Variants in USP40 observed in about 807,000 individuals in gnomAD.
USP40 encodes ubiquitin carboxyl-terminal hydrolase 40.
In USP40, 143 loss-of-function variants were observed where a neutral mutation model predicts 166.2. That is an observed-to-expected ratio of 0.86 (90% CI 0.75 to 0.99). The LOEUF (loss-of-function observed/expected upper bound fraction) is 0.99, where lower values mean the gene tolerates loss of function less well. Among genes scored for constraint, USP40 ranks in the 50% least tolerant of loss-of-function variants. USP40 has a pLI of 0.00. For missense variants in USP40, 1,444 were observed against 1,479.7 expected (o/e 0.98, Z 0.40); for synonymous variants, 498 against 524.0 (o/e 0.95, Z 0.68).
At chr2:233,490,127 A>T (rs551563711) in intron 26 of USP40, among the ~76,000 whole-genome samples, 29 of 151,252 alleles carry the variant, frequency 1.9e-4, no homozygotes, top group African/African-American at 6.6e-4. Context: ...ATTTGTTCTC[A>T]TGAGAATAAG....
At position 233,477,080 on chromosome 2, in the gene USP40, A is replaced by G. The variant is rs1301562778; in HGVS notation, c.*312T>C. On this transcript the variant is annotated 3_prime_UTR_variant, in exon 32 of 32. Transcript: ENST00000678225. ...CTGCCTCCATACCTGCGGTTCACGC[A>G]CACGTTGTGCATTTTCTGGTTAAAA... 5.2e-6 allele frequency: 2 copies of G among 384,016 alleles called. No individual in the cohort carries two copies. The highest frequency in any genetic ancestry group is 1.0e-5 in the Non-Finnish European group (2 of 199,610). 23.8% of individuals were successfully genotyped at this position (384,016 alleles called of 1,614,324 possible).
intron 27 of USP40, among the ~76,000 whole-genome samples, chr2:233,488,944 A>AAAAGAAAGAAACGAG (rs757182833): frequency 7.2e-5 from 11 of 152,086 alleles, no homozygotes; most frequent in Non-Finnish European, 1.6e-4. Flanking sequence ...GGAAAGAAAG[A>AAAAGAAAGAAACGAG]AAAGAAAGAA....
At position 233,549,086 on chromosome 2, in the gene USP40, A is replaced by G; in HGVS notation, c.966+15T>C. On this transcript the variant is annotated intron_variant, in intron 8 of 31. Transcript: ENST00000678225. ...GAAATTGCAAAGATATTTCTAAACGAATTTCTATACGTACTTGAAACTGCC... is the reference window on the plus strand; with the variant it reads ...GAAATTGCAAAGATATTTCTAAACGGATTTCTATACGTACTTGAAACTGCC... 6.3e-7 allele frequency: 1 copy of G among 1,580,650 alleles called. No homozygotes were observed. Among genetic ancestry groups the G allele is most frequent in the Non-Finnish European group, 8.6e-7 (1 of 1,166,812 alleles).
chr2:233,527,291 C>T, intron 13 of USP40, 116 bp downstream of exon 13: 1 of 1,201,658 alleles, frequency 8.3e-7, no homozygotes, highest in Non-Finnish European at 1.1e-6. Context: ...TGGCAGATGT[C>T]AGATCTTCCT....
At chr2:233,537,087 T>G (rs2068994762) in intron 10 of USP40, among the ~76,000 whole-genome samples, 1 of 152,198 alleles carries the variant, frequency 6.6e-6, no homozygotes, top group Non-Finnish European at 1.5e-5. Context: ...TCTTGCTATG[T>G]TGCCAGGACT....
chr2:233,481,149 G>C, intron 31 of USP40, 54 bp downstream of exon 31: 1 of 1,480,122 alleles, frequency 6.8e-7, no homozygotes, highest in Non-Finnish European at 9.2e-7. Flanking sequence ...AGGAATAAGA[G>C]AGAGTCAGAG....
intron 23 of USP40, 59 bp downstream of exon 23, chr2:233,498,489 T>C: frequency 6.7e-7 from 1 of 1,502,862 alleles, no homozygotes; most frequent in Non-Finnish European, 9.1e-7. Flanking sequence ...GGGTACCTTG[T>C]ACGAAAATAT....
intron 11 of USP40, among the ~76,000 whole-genome samples, chr2:233,531,008 AAAT>A (rs2068480080): frequency 6.6e-6 from 1 of 152,144 alleles, no homozygotes. Context: ...TTTTTTACAT[AAAT>A]ATTAAAGGAA....
Position 233,559,927 on chromosome 2 carries a change from G to A in USP40, c.268-3C>T. 1 of 1,591,890 alleles carries A rather than the reference G, an allele frequency of 6.3e-7. No individual in the cohort carries two copies. The highest frequency in any genetic ancestry group is 8.6e-7 in the Non-Finnish European group (1 of 1,167,790). ...AACTGTAAAGGGATGATTCGAACCT[G>A]AATGAGAAACAAACACATTTCTAAA... On this transcript the variant is annotated splice_polypyrimidine_tract_variant and splice_region_variant and intron_variant, in intron 3 of 31. Coordinates refer to ENST00000678225, the MANE Select transcript of USP40 (RefSeq NM_001365479.2).
At chr2:233,564,431 G>A (rs111333922) in intron 2 of USP40, among the ~76,000 whole-genome samples, 122 of 152,260 alleles carry the variant, frequency 8.0e-4, no homozygotes, top group Non-Finnish European at 1.2e-3. Flanking sequence ...ACAGCTCCTA[G>A]GACCCTTGTG....
chr2:233,494,952 ATATT>A (rs1227737512), intron 24 of USP40, among the ~76,000 whole-genome samples: 514 of 29,268 alleles, frequency 0.018, 3 homozygotes, highest in African/African-American at 0.087. Context: ...ATATATATAT[ATATT>A]TATATATATA....
intron 25 of USP40, among the ~76,000 whole-genome samples, chr2:233,492,073 C>T (rs1478384611): frequency 2.0e-5 from 3 of 152,200 alleles, no homozygotes; most frequent in Admixed American, 6.5e-5. Flanking sequence ...TATATAATCA[C>T]CTGCTACATA....
At position 233,539,196 on chromosome 2, in the gene USP40, TA is replaced by T. The variant is rs536146929; in HGVS notation, c.1170+1465del. 1.1e-3 allele frequency among the ~76,000 whole-genome samples: 140 copies of T among 122,754 alleles called. 1 individual carries two copies. The highest frequency in any genetic ancestry group is 4.1e-3 in the African/African-American group (128 of 31,422). 80.5% of individuals were successfully genotyped at this position (122,754 alleles called of 152,430 possible). On this transcript the variant is annotated intron_variant, in intron 10 of 31. Coordinates refer to ENST00000678225, the MANE Select transcript of USP40 (RefSeq NM_001365479.2). ...GTTGGGAGATTTAAAAATTCCTCAG[TA>T]ATTAATAGAAAAGGCAAAAAAAAAA... is the stretch of plus-strand genomic sequence containing the variant.
Position 233,551,445 on chromosome 2 carries a change from G to C in USP40, c.768C>G (p.Cys256Trp), listed in dbSNP as rs765896913. 1 of 1,611,964 alleles carries C rather than the reference G, an allele frequency of 6.2e-7. No homozygotes were observed. The highest frequency in any genetic ancestry group is 8.5e-7 in the Non-Finnish European group (1 of 1,179,060). The part of the protein sequence containing the change: ...LLRFNFDFVK[C>W]ERYKETSCYT... ...AACAGCTAGTTTCCTTGTAGCGTTC[G>C]CATTTCACAAAATCAAAATTAAATC... Residue 256 changes from cysteine to tryptophan, a missense_variant, in exon 7 of 32, where the codon TGC (cysteine) becomes TGG (tryptophan). Cys to Trp is a radical substitution (Grantham distance 215, BLOSUM62 -2). Transcript: ENST00000678225.
chr2:233,511,638 G>T, intron 20 of USP40, 71 bp downstream of exon 20: 1 of 1,176,412 alleles, frequency 8.5e-7, no homozygotes. Context: ...TACTGGAGTA[G>T]CTAAGGTACT....
intron 1 of USP40, among the ~76,000 whole-genome samples, chr2:233,566,260 G>A (rs2072143643): frequency 6.6e-6 from 1 of 152,122 alleles, no homozygotes; most frequent in South Asian, 2.1e-4. Flanking sequence ...TAGCCCTGGG[G>A]GCCTAGGTGA....
intron 2 of USP40, among the ~76,000 whole-genome samples, chr2:233,563,165 C>T (rs1355395261): frequency 6.6e-6 from 1 of 152,218 alleles, no homozygotes; most frequent in African/African-American, 2.4e-5. Flanking sequence ...TTTCCTGCCA[C>T]ATGTAAGGCT....
intron 27 of USP40, 91 bp from the exon 28 acceptor site, chr2:233,488,395 G>A (rs568612216): frequency 1.6e-6 from 2 of 1,246,394 alleles, no homozygotes; most frequent in Admixed American, 2.3e-5. Context: ...TTTTTCTTAA[G>A]CAAAGAATTG....
At chr2:233,534,658 A>G (rs562447456) in intron 10 of USP40, among the ~76,000 whole-genome samples, 1 of 152,220 alleles carries the variant, frequency 6.6e-6, no homozygotes, top group African/African-American at 2.4e-5. Context: ...CATTGTTAAC[A>G]TTGTGTATGA....
Sources: allele counts gnomAD v4.1 joint callset (sites outside exome capture counted in the v4.1 genomes callset), GRCh38; gene constraint gnomAD v4.1.1; transcripts MANE v1.5; gene names NCBI Gene and HGNC (gene_info 2026-07-23, HGNC 2026-07-21).